ACTR3C: variants seen among roughly 807,000 people sequenced by gnomAD.
ACTR3C encodes actin-related protein 3C.
In ACTR3C, 18 loss-of-function variants were observed where a neutral mutation model predicts 26.3. The ratio of observed to expected loss-of-function variants is 0.68; its 90% confidence interval spans 0.47 to 1.01. The LOEUF is 1.01. Among genes scored for constraint, ACTR3C ranks in the 50% least tolerant of loss-of-function variants. ACTR3C has a pLI of 0.00. For synonymous variants in ACTR3C, 55 were observed against 94.5 expected (o/e 0.58, Z 2.42); for missense variants, 184 against 250.7 (o/e 0.73, Z 1.80).
the ACTR3C span, among the ~76,000 whole-genome samples, chr7:150,170,861 C>A: frequency 1.4e-5 from 2 of 144,520 alleles, no homozygotes; most frequent in Non-Finnish European, 3.0e-5. Context: ...GATTTCAGAG[C>A]ATATACTATT....
chr7:150,189,260 A>G, the ACTR3C span, among the ~76,000 whole-genome samples: 3 of 152,262 alleles, frequency 2.0e-5, no homozygotes, highest in East Asian at 1.9e-4. Context: ...GGCTTATAGT[A>G]TCAAGTCAAA....
the ACTR3C span, among the ~76,000 whole-genome samples, chr7:150,150,198 A>C: frequency 6.6e-6 from 1 of 150,998 alleles, no homozygotes; most frequent in African/African-American, 2.4e-5. Flanking sequence ...TCAGGGATTG[A>C]TTTTCCATGC....
At chr7:149,982,511 C>A in the ACTR3C span, among the ~76,000 whole-genome samples, 1 of 152,026 alleles carries the variant, frequency 6.6e-6, no homozygotes, top group African/African-American at 2.4e-5. Context: ...CACTGCTATT[C>A]CCCTTTTGCA....
chr7:150,123,695 C>G, the ACTR3C span, among the ~76,000 whole-genome samples: 1 of 151,730 alleles, frequency 6.6e-6, no homozygotes, highest in Non-Finnish European at 1.5e-5. Context: ...TCTAGAGACT[C>G]CTAGAGAGAA....
At chr7:149,900,615 T>A in the ACTR3C span, among the ~76,000 whole-genome samples, 1 of 152,188 alleles carries the variant, frequency 6.6e-6, no homozygotes, top group East Asian at 1.9e-4. Flanking sequence ...ATCAAAAATA[T>A]GGATCATAAT....
At chr7:150,096,948 C>T in the ACTR3C span, among the ~76,000 whole-genome samples, 3 of 152,182 alleles carry the variant, frequency 2.0e-5, no homozygotes, top group Non-Finnish European at 4.4e-5. Flanking sequence ...AAAGATGCCC[C>T]TGGCAAGGCC....
At chr7:150,222,158 T>C in the ACTR3C span, among the ~76,000 whole-genome samples, 10 of 152,188 alleles carry the variant, frequency 6.6e-5, no homozygotes, top group Non-Finnish European at 1.5e-4. Flanking sequence ...AAACAAATTA[T>C]TGTGTTTGGT....
chr7:149,930,405 G>A, the ACTR3C span, among the ~76,000 whole-genome samples: 1 of 152,236 alleles, frequency 6.6e-6, no homozygotes, highest in Admixed American at 6.5e-5. Flanking sequence ...TACAGAGAGT[G>A]ACAAAGCAAA....
At chr7:150,114,227 C>T in the ACTR3C span, among the ~76,000 whole-genome samples, 1 of 152,288 alleles carries the variant, frequency 6.6e-6, no homozygotes, top group East Asian at 1.9e-4. Flanking sequence ...CACGCTCAAT[C>T]CCGGCAGGAT....
At chr7:150,043,355 A>C in the ACTR3C span, among the ~76,000 whole-genome samples, 1 of 151,168 alleles carries the variant, frequency 6.6e-6, no homozygotes, top group African/African-American at 2.4e-5. Context: ...GATGGGGGTC[A>C]CAAGAGCCAG....
At chr7:150,004,568 C>A in the ACTR3C span, 5 of 152,104 alleles carry the variant, frequency 3.3e-5, no homozygotes, top group Non-Finnish European at 4.4e-5. Flanking sequence ...CCGAAAAAAT[C>A]GCCCCACAAT....
the ACTR3C span, among the ~76,000 whole-genome samples, chr7:150,237,240 C>T: frequency 6.5e-4 from 99 of 152,342 alleles, no homozygotes; most frequent in Non-Finnish European, 1.1e-3. Context: ...TCTGTTGGGG[C>T]CCTGCCCATA....
chr7:150,299,480 AAAAAAAAAAAAAAAC>A lies in ACTR3C; in HGVS notation c.-51-4148_-51-4134del, dbSNP rs1460668372. Among the ~76,000 whole-genome samples, 476 of 147,742 alleles carry A rather than the reference AAAAAAAAAAAAAAAC, an allele frequency of 3.2e-3. 9 individuals are homozygous for A. Among genetic ancestry groups the A allele is most frequent in the African/African-American group, 0.012 (458 of 39,742 alleles). ...ACCCCCTCTCAAAAAAAAAAAAAAA[AAAAAAAAAAAAAAAC>A]AAAAAACAGGCTGGGTGGTGTGGCT... On this transcript the variant is annotated intron_variant, in intron 1 of 7. Coordinates refer to ENST00000683684, the MANE Select transcript of ACTR3C (RefSeq NM_001164458.2).
In ACTR3C at chr7:150,296,541, T is replaced by C. The variant is rs571254483; in HGVS notation, c.-51-1194A>G. On this transcript the variant is annotated intron_variant, in intron 1 of 7. Coordinates refer to ENST00000683684, the MANE Select transcript of ACTR3C (RefSeq NM_001164458.2). ...ACTTGATTTTTCTCATTCAACAATA[T>C]ACTATGAACATTTTTCCTTGTCAAC... 1.2e-3 allele frequency among the ~76,000 whole-genome samples: 188 copies of C among 150,854 alleles called. 1 individual carries two copies. Among genetic ancestry groups the C allele is most frequent in the African/African-American group, 4.2e-3 (173 of 40,916 alleles).
chr7:150,143,377 T>C, the ACTR3C span, among the ~76,000 whole-genome samples: 7 of 152,176 alleles, frequency 4.6e-5, no homozygotes, highest in African/African-American at 1.7e-4. Context: ...AATCCCCCTA[T>C]TGTCGTGGGG....
the ACTR3C span, among the ~76,000 whole-genome samples, chr7:149,926,346 G>T: frequency 6.6e-6 from 1 of 152,140 alleles, no homozygotes; most frequent in Non-Finnish European, 1.5e-5. Flanking sequence ...GCCTTTAATT[G>T]GTATCTAGGA....
chr7:150,272,569 A>G lies in ACTR3C; in HGVS notation c.564+12184T>C, dbSNP rs544107622. ...CAGAAAAAAAGAGAAACGTGAAATTACCAATAAATGTATTCTTTCCATCTC... is the reference window on the plus strand; with the variant it reads ...CAGAAAAAAAGAGAAACGTGAAATTGCCAATAAATGTATTCTTTCCATCTC... On this transcript the variant is annotated intron_variant, in intron 6 of 7. Transcript: ENST00000683684. Among the ~76,000 whole-genome samples, 14 of 139,850 alleles carry G rather than the reference A, an allele frequency of 1.0e-4. 2 individuals are homozygous for G. Among genetic ancestry groups the G allele is most frequent in the Non-Finnish European group, 1.5e-4 (10 of 67,202 alleles). The allele number at this position is 139,850 out of a possible 152,430, so 91.7% of individuals were successfully genotyped here.
At chr7:150,141,544 C>T in the ACTR3C span, among the ~76,000 whole-genome samples, 1 of 151,808 alleles carries the variant, frequency 6.6e-6, no homozygotes, top group Admixed American at 6.6e-5. Context: ...AAAAAAAAGT[C>T]CTGACTTATT....
Position 150,250,202 on chromosome 7 carries a change from C to CTTTTTTTTT in ACTR3C, c.565-1157_565-1149dup, listed in dbSNP as rs1192764981. Among the ~76,000 whole-genome samples the CTTTTTTTTT allele has an allele frequency of 1.3e-3, 158 of 125,438 alleles. 18 individuals are homozygous for CTTTTTTTTT. Among genetic ancestry groups the CTTTTTTTTT allele is most frequent in the African/African-American group, 5.2e-3 (153 of 29,268 alleles). 82.3% of individuals were successfully genotyped at this position (125,438 alleles called of 152,430 possible). A position where few individuals can be genotyped will look rare whatever the true frequency, so the allele number is the denominator to read the frequency against. ...ATGAGCAAGAAATGACAGAATCTGA[C>CTTTTTTTTT]TTTTTTTTTTTTTTTTTTTGAGACG... On this transcript the variant is annotated intron_variant, in intron 6 of 7. Transcript: ENST00000683684.
Sources: allele counts gnomAD v4.1 joint callset (sites outside exome capture counted in the v4.1 genomes callset), GRCh38; gene constraint gnomAD v4.1.1; transcripts MANE v1.5; gene names NCBI Gene and HGNC (gene_info 2026-07-23, HGNC 2026-07-21).